The following A2ML1 variants were observed in gnomAD, a reference collection of about 807,000 sequenced individuals.
The protein encoded by A2ML1 is alpha-2-macroglobulin like 1, also known as alpha-2-macroglobulin-like protein 1.
In A2ML1, 161 loss-of-function variants were observed where a neutral mutation model predicts 181.9. The observed-to-expected ratio is 0.89, with a 90% CI of 0.78 to 1.01. The LOEUF is 1.01. A2ML1 is among the 50% of genes least tolerant of loss of function. A2ML1 has a pLI of 0.00. For missense variants in A2ML1, 1,670 were observed against 1,768.1 expected, an observed-to-expected ratio of 0.94 and a Z score of 1.00; for synonymous variants, 663 against 666.8, an observed-to-expected ratio of 0.99 and a Z score of 0.09.
At position 8,854,117 on chromosome 12, in the gene A2ML1, CT is replaced by C; in HGVS notation, c.2591-8del. ...AATAGGGCTAATGGCTTCCCTTCTT[CT>C]TTCTCTCAGGTCACATTAACTTTAC... On this transcript the variant is annotated splice_polypyrimidine_tract_variant and intron_variant, in intron 20 of 35. Transcript: ENST00000299698. 6.4e-7 allele frequency: 1 copy of C among 1,568,508 alleles called. No individual in the cohort carries two copies. The highest frequency in any genetic ancestry group is 8.7e-7 in the Non-Finnish European group (1 of 1,155,172).
At chr12:8,878,084 C>A (rs769006910), downstream of A2ML1, among the ~76,000 whole-genome samples, 1 of 151,898 alleles carries the variant, frequency 6.6e-6, no homozygotes, top group Admixed American at 6.6e-5. The surrounding 1 kb of genome is among the most constrained non-coding windows in gnomAD (Gnocchi z 4.4). Context: ...GGGTGGATCA[C>A]CTGAGGTCAG....
intron 17 of A2ML1, 35 bp downstream of exon 17, chr12:8,849,794 A>G (rs762322572): frequency 6.3e-7 from 1 of 1,587,402 alleles, no homozygotes; most frequent in Admixed American, 1.7e-5. Context: ...ATTCTCTGAG[A>G]TGTTAACAGT....
chr12:8,848,917 A>T lies in A2ML1; in HGVS notation c.2028+3A>T, dbSNP rs773886427. Reference sequence around the variant, plus strand: ...CGGACCTTTTCAGCTTTTTCCGGGTAGGTCTTCTTACCCATTTTGTTCTTA... The same window carrying T: ...CGGACCTTTTCAGCTTTTTCCGGGTTGGTCTTCTTACCCATTTTGTTCTTA... On this transcript the variant is annotated splice_donor_region_variant and intron_variant, in intron 16 of 35. Coordinates refer to ENST00000299698, the MANE Select transcript of A2ML1 (RefSeq NM_144670.6). 1 of 1,609,918 alleles carries T rather than the reference A, an allele frequency of 6.2e-7. No individual in the cohort carries two copies. The highest frequency in any genetic ancestry group is 2.2e-5 in the East Asian group (1 of 44,842).
chr12:8,849,306 TC>T (rs1428219322), intron 16 of A2ML1, among the ~76,000 whole-genome samples: 3 of 152,214 alleles, frequency 2.0e-5, no homozygotes, highest in Non-Finnish European at 4.4e-5. Context: ...ATCTTTGTAT[TC>T]TCTCTAATGC....
intron 6 of A2ML1, 152 bp downstream of exon 6, chr12:8,835,818 C>T: frequency 1.1e-6 from 1 of 901,796 alleles, no homozygotes; most frequent in Non-Finnish European, 1.6e-6. Flanking sequence ...TCGAGACCAC[C>T]CTGGCTAACA....
chr12:8,855,578 A>G lies in A2ML1; in HGVS notation c.2834A>G (p.Tyr945Cys), dbSNP rs375843284. 4 of 1,614,110 alleles carry G rather than the reference A, an allele frequency of 2.5e-6. No individual in the cohort carries two copies. The highest frequency in any genetic ancestry group is 1.1e-5 in the South Asian group (1 of 91,074). Residue 945 changes from tyrosine (Y) to cysteine (C), a missense_variant, in exon 23 of 36, where the codon TAT becomes TGT. Tyr to Cys is a radical substitution (Grantham distance 194). Transcript: ENST00000299698. ...ATTGTTCCTGACTCGACCAAGGCTT[A>G]TGTTACGGTTCTGGGTAAGCAGTTA... ...VDIVPDSTKAYVTVLGDIMGT... is the reference protein window; with the variant it reads ...VDIVPDSTKACVTVLGDIMGT...
chr12:8,827,271 C>T lies in A2ML1; in HGVS notation c.410-2456C>T, dbSNP rs149459854. ...AGGAGAATCACTTGAACCAGGGAGG[C>T]GGAGGTCACATGAGCCAAGATCACA... On this transcript the variant is annotated intron_variant, in intron 3 of 35. Transcript: ENST00000299698. 4.0e-4 allele frequency among the ~76,000 whole-genome samples: 61 copies of T among 152,210 alleles called. No homozygotes were observed. The East Asian group carries it at 6.0e-3, about 15-fold the overall frequency.
At chr12:8,844,959 C>T (rs1025377231) in intron 12 of A2ML1, 67 of 1,321,738 alleles carry the variant, frequency 5.1e-5, no homozygotes, top group Admixed American at 1.1e-4. Context: ...TGAGAGTGGA[C>T]GGGAAGGGGG....
intron 11 of A2ML1, 37 bp from the exon 12 acceptor site, chr12:8,843,097 C>A: frequency 1.3e-6 from 2 of 1,581,664 alleles, no homozygotes; most frequent in South Asian, 1.1e-5. Context: ...ATGGTTGGAG[C>A]ACATGCTAAA....
At chr12:8,825,926 C>G (rs1404503325) in intron 3 of A2ML1, among the ~76,000 whole-genome samples, 1 of 152,180 alleles carries the variant, frequency 6.6e-6, no homozygotes, top group Non-Finnish European at 1.5e-5. Context: ...TCTGGGTTCT[C>G]TATTCTGTTC....
Position 8,848,301 on chromosome 12 carries a change from T to A in A2ML1, c.1834-419T>A, listed in dbSNP as rs183344753. Among the ~76,000 whole-genome samples the A allele has an allele frequency of 2.6e-5, 4 of 151,836 alleles. No individual in the cohort carries two copies. The East Asian group carries it at 7.8e-4, about 29-fold the overall frequency. On this transcript the variant is annotated intron_variant, in intron 15 of 35. Coordinates refer to ENST00000299698, the MANE Select transcript of A2ML1 (RefSeq NM_144670.6). ...TTCAAGACCAGCCTGACCAACATGG[T>A]GAAACCCTGTCTCTACTAAAAATAC...
chr12:8,850,248 C>T lies in A2ML1; in HGVS notation c.2208C>T (p.Thr736=). ...DSQVRQYFPE[T]WLWDLFPIGN... is the part of the protein sequence containing the mutation. ...AGGTCCGCCAGTACTTCCCAGAGAC[C>T]TGGCTCTGGGATCTGTTTCCTATTG... Residue 736 remains threonine, a synonymous_variant, in exon 18 of 36, where the codon ACC becomes ACT. Transcript: ENST00000299698. The T allele has an allele frequency of 6.2e-7, 1 of 1,612,896 alleles. No individual in the cohort carries two copies. Among genetic ancestry groups the T allele is most frequent in the Non-Finnish European group, 8.5e-7 (1 of 1,179,558 alleles).
chr12:8,875,059 A>G, intron 35 of A2ML1, 47 bp downstream of exon 35: 5 of 1,584,114 alleles, frequency 3.2e-6, no homozygotes, highest in Non-Finnish European at 4.3e-6. Flanking sequence ...AGGGTGGCAG[A>G]AGTTAAGAGG....
At chr12:8,859,565 C>T (rs2136923987) in intron 26 of A2ML1, among the ~76,000 whole-genome samples, 1 of 151,846 alleles carries the variant, frequency 6.6e-6, no homozygotes, top group East Asian at 1.9e-4. Flanking sequence ...CCTTCTTTCC[C>T]TTTTTTTTCT....
intron 10 of A2ML1, among the ~76,000 whole-genome samples, chr12:8,840,974 GGAAA>G (rs1403169508): frequency 6.6e-4 from 80 of 121,398 alleles, no homozygotes; most frequent in Non-Finnish European, 9.1e-4. Flanking sequence ...AAAGAAGGAA[GGAAA>G]GAAGGAAGGA....
intron 3 of A2ML1, among the ~76,000 whole-genome samples, chr12:8,826,961 G>A (rs764345708): frequency 1.2e-3 from 189 of 152,210 alleles, no homozygotes; most frequent in African/African-American, 4.3e-3. Context: ...ATTCCTTGAT[G>A]TTTGGGAGTT....
downstream of A2ML1, among the ~76,000 whole-genome samples, chr12:8,879,556 T>C (rs1265451042): frequency 2.0e-5 from 3 of 151,968 alleles, no homozygotes; most frequent in Non-Finnish European, 4.4e-5. Flanking sequence ...CTCCATCCCA[T>C]GTACATTTTG....
In A2ML1 at chr12:8,861,277, A is replaced by G. The variant is rs1001935955; in HGVS notation, c.3482A>G (p.Asp1161Gly). ...AGAAACATTCTCCTTAAACAGTTAG[A>G]TCAACAGGCTATCATCTCAGGTATG... is the stretch of plus-strand genomic sequence containing the variant. The part of the protein sequence containing the change: ...DIRNILLKQL[D>G]QQAIISGESI... The change falls in exon 28 of 36, where the codon GAT (aspartate) becomes GGT (glycine). Residue 1161 changes from aspartate to glycine, a missense_variant. Physicochemically the swap from Asp to Gly is moderately conservative, Grantham distance 94 (BLOSUM62 -1). Coordinates refer to ENST00000299698, the MANE Select transcript of A2ML1 (RefSeq NM_144670.6). 12 of 1,613,922 alleles carry G rather than the reference A, an allele frequency of 7.4e-6. No individual in the cohort carries two copies.
intron 4 of A2ML1, among the ~76,000 whole-genome samples, chr12:8,832,007 C>T (rs1943131717): frequency 6.6e-6 from 1 of 152,190 alleles, no homozygotes; most frequent in Admixed American, 6.5e-5. Context: ...GCCTCGGCCT[C>T]CCAAAGTGCT....
Sources: allele counts gnomAD v4.1 joint callset (sites outside exome capture counted in the v4.1 genomes callset), GRCh38; gene constraint gnomAD v4.1.1; non-coding constraint Gnocchi (gnomAD v3.1); transcripts MANE v1.5; gene names NCBI Gene and HGNC (gene_info 2026-07-23, HGNC 2026-07-21).